Variants in R3HDM2 observed in about 807,000 individuals in gnomAD.
The protein encoded by R3HDM2 is R3H domain containing 2.
R3HDM2 carries 38 observed loss-of-function variants against 124.5 expected under a neutral mutation model. The ratio of observed to expected loss-of-function variants is 0.31; its 90% CI spans 0.24 to 0.40. The LOEUF is 0.40. Ranked by LOEUF, R3HDM2 falls within the 10% of genes least tolerant of loss-of-function variation. The pLI is 1.00. For synonymous variants in R3HDM2, 391 were observed against 448.0 expected, an observed-to-expected ratio of 0.87 and a Z score of 1.61; for missense variants, 869 against 1,236.9, an observed-to-expected ratio of 0.70 and a Z score of 4.46.
At chr12:57,260,018 C>G (rs1030384377) in intron 19 of R3HDM2, among the ~76,000 whole-genome samples, 31 of 152,082 alleles carry the variant, frequency 2.0e-4, no homozygotes, top group African/African-American at 7.2e-4. Flanking sequence ...AATCCCGGCA[C>G]TTTGGGAAGC....
chr12:57,258,717 C>T (rs1325631436), intron 20 of R3HDM2, among the ~76,000 whole-genome samples, 173 bp downstream of exon 20: 1 of 152,120 alleles, frequency 6.6e-6, no homozygotes, highest in Non-Finnish European at 1.5e-5. Flanking sequence ...TCCCACCTGC[C>T]ACCTTATATA....
chr12:57,384,189 T>C (rs1475190894), intron 2 of R3HDM2, among the ~76,000 whole-genome samples: 1 of 151,510 alleles, frequency 6.6e-6, no homozygotes, highest in Non-Finnish European at 1.5e-5. Context: ...CTACTAAAAA[T>C]ACAACAACAA....
At chr12:57,299,327 A>G (rs1299071654) in intron 6 of R3HDM2, 25 bp downstream of exon 6, 5 of 1,538,144 alleles carry the variant, frequency 3.3e-6, no homozygotes, top group Non-Finnish European at 3.5e-6. Context: ...CCTAGAACAG[A>G]TGAGAGATGG....
intron 1 of R3HDM2, among the ~76,000 whole-genome samples, chr12:57,416,034 A>G (rs1292576470): frequency 6.6e-6 from 1 of 152,232 alleles, no homozygotes; most frequent in South Asian, 2.1e-4. Context: ...ATATTATTAT[A>G]TCACTGTAAA....
intron 2 of R3HDM2, among the ~76,000 whole-genome samples, chr12:57,325,927 G>C (rs1170747743): frequency 6.6e-6 from 1 of 151,910 alleles, no homozygotes; most frequent in Non-Finnish European, 1.5e-5. Context: ...TTTTCCAACA[G>C]CATGTGTTCA....
rs899192204 is a variant in R3HDM2, at chr12:57,310,492, G to A, written c.-35-29C>T. ...AAGAAACATCAAATGCATTAAGCAG[G>A]AGGTATGTATCCATACTTAACAAAT... On this transcript the variant is annotated intron_variant, in intron 2 of 23. Transcript: ENST00000402412. 3.9e-6 allele frequency: 5 copies of A among 1,285,428 alleles called. No individual in the cohort carries two copies. In the Admixed American group the frequency reaches 1.0e-4, roughly 26 times the overall value. The allele number at this position is 1,285,428 out of a possible 1,614,324, so 79.6% of individuals were successfully genotyped here. A position where few individuals can be genotyped will look rare whatever the true frequency, so the allele number is the denominator to read the frequency against.
intron 21 of R3HDM2, among the ~76,000 whole-genome samples, chr12:57,256,834 T>TG (rs2039173825): frequency 6.6e-6 from 1 of 151,964 alleles, no homozygotes; most frequent in African/African-American, 2.4e-5. Flanking sequence ...TTTTTTTTTT[T>TG]TTTGAGACAG....
chr12:57,256,940 CG>C (rs2039228049), intron 21 of R3HDM2, among the ~76,000 whole-genome samples: 1 of 152,002 alleles, frequency 6.6e-6, no homozygotes, highest in Non-Finnish European at 1.5e-5. Context: ...TTCAGCCTCC[CG>C]AGTAGCTGGG....
At chr12:57,406,288 T>C (rs1310786133) in intron 1 of R3HDM2, among the ~76,000 whole-genome samples, 1 of 134,784 alleles carries the variant, frequency 7.4e-6, no homozygotes, top group East Asian at 2.2e-4. Flanking sequence ...ACCACTGCAC[T>C]CCAGCCTGGG....
At chr12:57,394,310 G>A (rs893111498) in intron 2 of R3HDM2, among the ~76,000 whole-genome samples, 67 of 151,028 alleles carry the variant, frequency 4.4e-4, no homozygotes, top group African/African-American at 1.6e-3. Context: ...AAAAAAAAAA[G>A]AAAAGAAATG....
In R3HDM2 at chr12:57,287,350, T is replaced by G. The variant is rs186060761; in HGVS notation, c.938+1659A>C. Among the ~76,000 whole-genome samples the G allele has an allele frequency of 3.3e-5, 5 of 152,246 alleles. No homozygotes were observed. In the East Asian group the frequency reaches 7.7e-4, roughly 23 times the overall value. ...TGATCTATGACCCCGAAGTGTAGACTGTGGAACAGGAATCCTGATTTTTTG... is the reference window on the plus strand; with the variant it reads ...TGATCTATGACCCCGAAGTGTAGACGGTGGAACAGGAATCCTGATTTTTTG... On this transcript the variant is annotated intron_variant, in intron 12 of 23. Coordinates refer to ENST00000402412, the MANE Select transcript of R3HDM2 (RefSeq NM_001394031.1).
chr12:57,430,540 G>A, intron 1 of R3HDM2, 180 bp downstream of exon 1: 3 of 983,770 alleles, frequency 3.0e-6, no homozygotes, highest in Non-Finnish European at 3.6e-6. Flanking sequence ...CTCCAGCAGC[G>A]CACACTTGGA....
intron 13 of R3HDM2, among the ~76,000 whole-genome samples, chr12:57,282,756 GT>G (rs2046476425): frequency 6.6e-6 from 1 of 152,162 alleles, no homozygotes; most frequent in South Asian, 2.1e-4. Flanking sequence ...AAATAAAAGT[GT>G]GGATAAAGGC....
Position 57,331,034 on chromosome 12 carries a change from G to A in R3HDM2, c.-35-20571C>T, listed in dbSNP as rs113126503. Among the ~76,000 whole-genome samples, 423 of 152,190 alleles carry A rather than the reference G, an allele frequency of 2.8e-3. 3 individuals are homozygous for A. Among genetic ancestry groups the A allele is most frequent in the African/African-American group, 8.7e-3 (361 of 41,532 alleles). ...GGTTTTCTATATCTAAGATCCCATC[G>A]TCTGCAAATAGAGATAATTTTACTT... is the stretch of plus-strand genomic sequence containing the variant. On this transcript the variant is annotated intron_variant, in intron 2 of 23. Transcript: ENST00000402412.
chr12:57,412,309 A>AGG (rs36035875), intron 1 of R3HDM2, among the ~76,000 whole-genome samples: 4 of 151,618 alleles, frequency 2.6e-5, no homozygotes, highest in South Asian at 2.1e-4. Context: ...TGGGAGGCCA[A>AGG]GGGGGGCGAA....
intron 19 of R3HDM2, among the ~76,000 whole-genome samples, chr12:57,266,378 G>A (rs2042424482): frequency 1.3e-5 from 2 of 152,054 alleles, no homozygotes; most frequent in South Asian, 2.1e-4. Flanking sequence ...TTACAGGCAT[G>A]AGCCACCATG....
rs1190547841 is a variant in R3HDM2 at position 57,268,350 on chromosome 12, T to C, written c.1983A>G (p.Val661=). ...SVQGGLPAAG[V]PVYYSMIPPA... is the part of the protein sequence containing the mutation. ...GTGGGATCATGCTATAGTACACTGG[T>C]ACCCCCGCTGCTGGGAGGCCTCCTT... Residue 661 remains valine (V), a synonymous_variant, in exon 18 of 24, where the codon GTA becomes GTG. Coordinates refer to ENST00000402412, the MANE Select transcript of R3HDM2 (RefSeq NM_001394031.1). 1 of 1,614,088 alleles carries C rather than the reference T, an allele frequency of 6.2e-7. No individual in the cohort carries two copies. Among genetic ancestry groups the C allele is most frequent in the Non-Finnish European group, 8.5e-7 (1 of 1,179,992 alleles).
intron 13 of R3HDM2, among the ~76,000 whole-genome samples, chr12:57,282,259 C>G (rs543267290): frequency 6.8e-6 from 1 of 147,778 alleles, no homozygotes; most frequent in Non-Finnish European, 1.5e-5. Context: ...TGCAGTGAGC[C>G]GAGGTCGTGC....
chr12:57,286,746 T>C (rs958930999), intron 12 of R3HDM2, among the ~76,000 whole-genome samples: 12 of 151,978 alleles, frequency 7.9e-5, no homozygotes, highest in African/African-American at 2.9e-4. Flanking sequence ...GGTGTGGTGG[T>C]GCATGCCTGT....
Sources: gnomAD v4.1 joint callset for allele counts (sites outside exome capture counted in the v4.1 genomes callset) on GRCh38, gnomAD v4.1.1 for gene constraint, MANE v1.5 for transcripts, NCBI Gene and HGNC (gene_info 2026-07-23, HGNC 2026-07-21) for gene names.